COL19A1: variants seen among roughly 807,000 people sequenced by gnomAD.
COL19A1 encodes the protein collagen alpha-1(XIX) chain.
In COL19A1, 159 loss-of-function variants were observed where a neutral mutation model predicts 190.2. The observed-to-expected ratio is 0.84, with a 90% CI of 0.73 to 0.95. COL19A1 has a LOEUF of 0.95. Ranked by LOEUF, COL19A1 falls within the 40% of genes least tolerant of loss-of-function variation. The pLI is 0.00. For synonymous variants in COL19A1, 509 were observed against 458.9 expected (o/e 1.11, Z -1.39); for missense variants, 1,418 against 1,431.9 (o/e 0.99, Z 0.16).
At chr6:69,894,871 G>GA in intron 2 of COL19A1, among the ~76,000 whole-genome samples, 1 of 152,282 alleles carries the variant, frequency 6.6e-6, no homozygotes. Context: ...AAGCTTTACA[G>GA]AAAAAATAAA....
intron 17 of COL19A1, among the ~76,000 whole-genome samples, chr6:70,122,197 A>G (rs1394468693): frequency 6.6e-6 from 1 of 152,190 alleles, no homozygotes; most frequent in Non-Finnish European, 1.5e-5. Flanking sequence ...AATGCAAAAC[A>G]TTGTGTTCCA....
At chr6:69,987,691 C>T (rs1776387457) in intron 11 of COL19A1, among the ~76,000 whole-genome samples, 1 of 152,192 alleles carries the variant, frequency 6.6e-6, no homozygotes, top group Non-Finnish European at 1.5e-5. Context: ...AAAATACCTC[C>T]CAGCTGTGCT....
intron 11 of COL19A1, among the ~76,000 whole-genome samples, chr6:70,001,939 G>C (rs189189669): frequency 6.8e-4 from 104 of 152,246 alleles, no homozygotes; most frequent in Non-Finnish European, 9.6e-4. Flanking sequence ...TCTGTGTCTT[G>C]TGCCTGTTTT....
At chr6:69,945,396 C>G (rs1169862087) in intron 9 of COL19A1, among the ~76,000 whole-genome samples, 5 of 151,914 alleles carry the variant, frequency 3.3e-5, no homozygotes, top group Non-Finnish European at 7.4e-5. Flanking sequence ...ATATGCTAAC[C>G]CAGAGATGAT....
intron 4 of COL19A1, among the ~76,000 whole-genome samples, chr6:69,908,513 G>A (rs948402059): frequency 3.9e-5 from 6 of 152,016 alleles, no homozygotes; most frequent in African/African-American, 1.4e-4. Context: ...TTTTTTAAAT[G>A]GAAAGAACAT....
chr6:69,928,022 A>G lies in COL19A1; in HGVS notation c.380A>G (p.Asn127Ser). The G allele has an allele frequency of 6.2e-7, 1 of 1,613,090 alleles. No individual in the cohort carries two copies. The highest frequency in any genetic ancestry group is 8.5e-7 in the Non-Finnish European group (1 of 1,179,392). The change falls in exon 5 of 51, where the codon AAT (asparagine) becomes AGT (serine). Residue 127 changes from asparagine to serine, a missense_variant. Physicochemically the swap from Asn to Ser is conservative, Grantham distance 46. Transcript: ENST00000620364. ...CTGTGGCAGGTTTTAAACCAGCAGA[A>G]TATTCCACAGGTAAAGTACCATTAG... is the stretch of plus-strand genomic sequence containing the variant. The part of the protein sequence containing the change: ...WFLWQVLNQQ[N>S]IPQISIVVDG...
intron 10 of COL19A1, among the ~76,000 whole-genome samples, chr6:69,962,325 G>A (rs993512454): frequency 6.6e-6 from 1 of 152,134 alleles, no homozygotes; most frequent in African/African-American, 2.4e-5. Context: ...GCATAGCACT[G>A]GTGTCGAAGG....
intron 14 of COL19A1, among the ~76,000 whole-genome samples, chr6:70,054,925 A>G (rs778572872): frequency 1.5e-4 from 23 of 152,214 alleles, no homozygotes; most frequent in Non-Finnish European, 2.8e-4. Flanking sequence ...AGTATATTTT[A>G]CTGCATGAGC....
At chr6:70,123,724 C>T (rs1454325396) in intron 17 of COL19A1, among the ~76,000 whole-genome samples, 6 of 147,648 alleles carry the variant, frequency 4.1e-5, no homozygotes, top group South Asian at 4.3e-4. Context: ...AACCAAACAC[C>T]ACATATTCTC....
chr6:69,979,698 T>C (rs1775936762), intron 11 of COL19A1, among the ~76,000 whole-genome samples: 1 of 151,608 alleles, frequency 6.6e-6, no homozygotes. Flanking sequence ...GTTGACTCTA[T>C]AGGTAGAAAA....
intron 34 of COL19A1, among the ~76,000 whole-genome samples, chr6:70,161,527 C>T (rs767507675): frequency 1.6e-4 from 25 of 152,082 alleles, no homozygotes; most frequent in African/African-American, 4.6e-4. Context: ...GCTATGAGTA[C>T]GCAAAAGCAT....
rs2150010339 is a variant in COL19A1 at position 69,927,978 on chromosome 6, C to T, written c.336C>T (p.Ala112=). The T allele has an allele frequency of 1.2e-6, 2 of 1,613,182 alleles. No homozygotes were observed. Among genetic ancestry groups the T allele is most frequent in the Non-Finnish European group, 1.7e-6 (2 of 1,179,466 alleles). The change falls in exon 5 of 51, where the codon GCC becomes GCT. Residue 112 remains alanine, a synonymous_variant. Transcript: ENST00000620364. ...VAAMFRVRRN[A]KKERWFLWQV... is the part of the protein sequence containing the mutation. The stretch of plus-strand genomic sequence containing the variant: ...CCATGTTTCGAGTACGAAGAAACGC[C>T]AAAAAGGAACGGTGGTTTCTGTGGC...
At chr6:69,900,814 T>C (rs1477145346) in intron 4 of COL19A1, among the ~76,000 whole-genome samples, 1 of 152,176 alleles carries the variant, frequency 6.6e-6, no homozygotes, top group Non-Finnish European at 1.5e-5. Context: ...AAAAAGCTGT[T>C]TTGTGCTTTT....
intron 16 of COL19A1, among the ~76,000 whole-genome samples, chr6:70,111,190 T>G (rs749622968): frequency 2.4e-4 from 36 of 152,330 alleles, no homozygotes; most frequent in Non-Finnish European, 2.4e-4. Context: ...ATTATTTTCA[T>G]TTAATAAGAA....
Position 70,146,703 on chromosome 6 carries a change from G to T in COL19A1, c.1815G>T (p.Lys605Asn). 6.2e-7 allele frequency: 1 copy of T among 1,604,928 alleles called. No homozygotes were observed. Among genetic ancestry groups the T allele is most frequent in the South Asian group, 1.1e-5 (1 of 88,810 alleles). ...GAGCACCTGGTCCACGTGGGCCAAA[G>T]GTATACAAATATTATAGTTAATTTT... ...NPGAPGPRGP[K>N]GERGLPGVHG... The change falls in exon 26 of 51, where the codon AAG becomes AAT. Residue 605 changes from lysine (K) to asparagine (N), a missense_variant and splice_region_variant. By Grantham distance (94) the Lys-to-Asn change is moderately conservative. Transcript: ENST00000620364.
chr6:70,023,150 T>C (rs1312424339), intron 11 of COL19A1, among the ~76,000 whole-genome samples: 1 of 151,568 alleles, frequency 6.6e-6, no homozygotes, highest in Non-Finnish European at 1.5e-5. Flanking sequence ...TTTTTTTTTT[T>C]TGAGATGGAG....
intron 49 of COL19A1, 111 bp downstream of exon 49, chr6:70,199,847 T>C: frequency 2.1e-6 from 2 of 953,758 alleles, no homozygotes; most frequent in South Asian, 2.0e-5. Flanking sequence ...ATTTATACAT[T>C]ACATATATAA....
At chr6:70,096,084 A>AT (rs70987498) in intron 15 of COL19A1, among the ~76,000 whole-genome samples, 47,142 of 141,150 alleles carry the variant, frequency 0.33, 8,604 homozygotes, top group Non-Finnish European at 0.42. Context: ...CGGTAACTCT[A>AT]TTTTTTTTTT....
chr6:69,921,033 AT>A (rs1444886531), intron 4 of COL19A1, among the ~76,000 whole-genome samples: 7 of 84,022 alleles, frequency 8.3e-5, no homozygotes, highest in African/African-American at 5.3e-5. Context: ...ATTCATATAT[AT>A]CATATATATT....
Sources: gnomAD v4.1 joint callset for allele counts (sites outside exome capture counted in the v4.1 genomes callset) on GRCh38, gnomAD v4.1.1 for gene constraint, MANE v1.5 for transcripts, NCBI Gene and HGNC (gene_info 2026-07-23, HGNC 2026-07-21) for gene names.